EFCAB11: variants seen among roughly 807,000 people sequenced by gnomAD.
The protein encoded by EFCAB11 is EF-hand calcium binding domain 11, also known as EF-hand calcium-binding domain-containing protein 11.
Under a neutral mutation model 23.0 loss-of-function variants are expected in EFCAB11, and 14 were observed. The observed-to-expected ratio is 0.61, with a 90% CI of 0.40 to 0.95. The LOEUF (loss-of-function observed/expected upper bound fraction) is 0.95. Ranked by LOEUF, EFCAB11 falls within the 40% of genes least tolerant of loss-of-function variation. The probability of loss-of-function intolerance (pLI) is 0.00; values close to 1 mark genes in which losing one functional copy is unlikely to be tolerated. For missense variants in EFCAB11, 198 were observed against 195.8 expected (o/e 1.01, Z -0.07); for synonymous variants, 65 against 66.6 (o/e 0.98, Z 0.11).
intron 5 of EFCAB11, among the ~76,000 whole-genome samples, chr14:89,909,995 G>A (rs1308744497): frequency 2.6e-5 from 4 of 152,106 alleles, no homozygotes; most frequent in Admixed American, 6.5e-5. Context: ...ATAGTACTTT[G>A]TAGTCATCTT....
intron 5 of EFCAB11, among the ~76,000 whole-genome samples, chr14:89,902,518 T>C (rs1889372073): frequency 6.6e-6 from 1 of 152,158 alleles, no homozygotes; most frequent in African/African-American, 2.4e-5. Context: ...TTCCAGTAGA[T>C]TAATAAAAAT....
At chr14:89,929,472 C>T (rs1223821230) in intron 5 of EFCAB11, among the ~76,000 whole-genome samples, 3 of 152,166 alleles carry the variant, frequency 2.0e-5, no homozygotes, top group Non-Finnish European at 4.4e-5. Flanking sequence ...CAGCAACCTC[C>T]GCATCCCAGG....
At chr14:89,799,198 C>T (rs1343289456) in intron 5 of EFCAB11, 3 of 152,134 alleles carry the variant, frequency 2.0e-5, no homozygotes, top group African/African-American at 4.8e-5. Context: ...TTATTCATAA[C>T]GTGTGGGGTG....
intron 5 of EFCAB11, among the ~76,000 whole-genome samples, chr14:89,895,157 A>G (rs1889115849): frequency 6.6e-6 from 1 of 152,240 alleles, no homozygotes; most frequent in African/African-American, 2.4e-5. Context: ...TAAGAAATAC[A>G]GCGTAAGTGA....
At chr14:89,952,507 A>C (rs1891207270) in intron 2 of EFCAB11, 1 of 985,340 alleles carries the variant, frequency 1.0e-6, no homozygotes, top group Non-Finnish European at 1.2e-6. Context: ...CATTTCTAAG[A>C]GTCAGCCCTG....
At chr14:89,938,126 T>C (rs1890655647) in intron 3 of EFCAB11, 1 of 152,182 alleles carries the variant, frequency 6.6e-6, no homozygotes, top group Non-Finnish European at 1.5e-5. Flanking sequence ...GAGTCTAGCA[T>C]CTGGCTATCA....
chr14:89,853,994 C>A (rs1055482226), intron 5 of EFCAB11, among the ~76,000 whole-genome samples: 2 of 151,926 alleles, frequency 1.3e-5, no homozygotes, highest in Non-Finnish European at 2.9e-5. Context: ...TGTGTTACAT[C>A]TCAGGACAAC....
intron 5 of EFCAB11, among the ~76,000 whole-genome samples, chr14:89,893,632 T>G (rs1889057374): frequency 6.6e-6 from 1 of 152,060 alleles, no homozygotes; most frequent in Non-Finnish European, 1.5e-5. Context: ...CAAACCCAAC[T>G]TTATCAGTCT....
rs890737683 is a variant in EFCAB11 at position 89,825,740 on chromosome 14, GA to G, written c.411-28417del. On this transcript the variant is annotated intron_variant, in intron 5 of 5. Transcript: ENST00000316738. ...AATATTCTTTTACATTTTATTTCTC[GA>G]AAAAAAAAGAGAAAGAGAGAAAGAG... Among the ~76,000 whole-genome samples, 537 of 149,706 alleles carry G rather than the reference GA, an allele frequency of 3.6e-3. 5 individuals are homozygous for G. Among genetic ancestry groups the G allele is most frequent in the African/African-American group, 0.012 (499 of 40,854 alleles).
chr14:89,800,049 G>C (rs949116688), intron 5 of EFCAB11, among the ~76,000 whole-genome samples: 4 of 152,130 alleles, frequency 2.6e-5, no homozygotes, highest in Non-Finnish European at 5.9e-5. Flanking sequence ...AGCCAGGCAT[G>C]GTGGCAGGTG....
intron 5 of EFCAB11, among the ~76,000 whole-genome samples, chr14:89,910,157 A>C (rs561268144): frequency 6.6e-6 from 1 of 152,378 alleles, no homozygotes; most frequent in South Asian, 2.1e-4. Context: ...TCCAAAACAA[A>C]GAAAGATATA....
At chr14:89,954,328 G>A in intron 1 of EFCAB11, 7 of 1,534,454 alleles carry the variant, frequency 4.6e-6, no homozygotes, top group Non-Finnish European at 6.1e-6. Flanking sequence ...GCTTTGAAAG[G>A]CGGGAGAGAT....
chr14:89,810,755 CAA>C (rs374599977), intron 5 of EFCAB11, among the ~76,000 whole-genome samples: 32 of 114,140 alleles, frequency 2.8e-4, no homozygotes, highest in Non-Finnish European at 4.1e-4. Context: ...GACTCCGTCT[CAA>C]AAAAAAAAAA....
intron 5 of EFCAB11, among the ~76,000 whole-genome samples, chr14:89,927,424 C>CT (rs1271863177): frequency 6.6e-6 from 1 of 152,152 alleles, no homozygotes; most frequent in East Asian, 1.9e-4. Context: ...CAGAGATCAG[C>CT]TTTTTTTCTG....
At chr14:89,885,213 T>G (rs1279223745) in intron 5 of EFCAB11, among the ~76,000 whole-genome samples, 1 of 152,206 alleles carries the variant, frequency 6.6e-6, no homozygotes, top group Admixed American at 6.5e-5. Flanking sequence ...AATTATCTGA[T>G]AAAATATGTG....
At chr14:89,908,903 T>C (rs1312426542) in intron 5 of EFCAB11, among the ~76,000 whole-genome samples, 2 of 152,178 alleles carry the variant, frequency 1.3e-5, no homozygotes, top group Non-Finnish European at 2.9e-5. Context: ...AGGAGATCAC[T>C]GAACTCAGGC....
intron 5 of EFCAB11, among the ~76,000 whole-genome samples, chr14:89,929,030 C>CATATATATATATATATATATATATTTTAT (rs34339124): frequency 1.6e-5 from 2 of 121,312 alleles, no homozygotes; most frequent in African/African-American, 6.0e-5. Context: ...TAAATACATA[C>CATATATATATATATATATATATATTTTAT]ATATATATAT....
In EFCAB11 at chr14:89,951,782, G is replaced by A. The variant is rs116313510; in HGVS notation, c.172-1640C>T. On this transcript the variant is annotated intron_variant, in intron 2 of 5. Coordinates refer to ENST00000316738, the MANE Select transcript of EFCAB11 (RefSeq NM_145231.4). ...AAAAAAAAAAAGAAAAAAAAGAACC[G>A]GGTATGGTCGTGTGCACCTGTAGTC... Among the ~76,000 whole-genome samples, 548 of 151,762 alleles carry A rather than the reference G, an allele frequency of 3.6e-3. 2 individuals are homozygous for A. The highest frequency in any genetic ancestry group is 0.012 in the African/African-American group (513 of 41,410).
At chr14:89,896,091 TAAG>T (rs768136793) in intron 5 of EFCAB11, among the ~76,000 whole-genome samples, 20 of 152,102 alleles carry the variant, frequency 1.3e-4, no homozygotes, top group Admixed American at 8.5e-4. Flanking sequence ...CGGGAAAGAT[TAAG>T]AAGTCTGGCG....
Sources: gnomAD v4.1 joint callset for allele counts (sites outside exome capture counted in the v4.1 genomes callset) on GRCh38, gnomAD v4.1.1 for gene constraint, MANE v1.5 for transcripts, NCBI Gene and HGNC (gene_info 2026-07-23, HGNC 2026-07-21) for gene names.